The following FZD4 variants were observed in gnomAD, a reference collection of about 807,000 sequenced individuals.
The protein encoded by FZD4 is frizzled class receptor 4, also known as frizzled-4.
Under a neutral mutation model 37.3 loss-of-function variants are expected in FZD4, and 16 were observed. That is an observed-to-expected ratio of 0.43 (90% CI 0.29 to 0.65). The LOEUF (loss-of-function observed/expected upper bound fraction) is 0.65. FZD4 is among the 30% of genes least tolerant of loss of function. The pLI is 0.16. For missense variants in FZD4, 599 were observed against 674.3 expected, an observed-to-expected ratio of 0.89 and a Z score of 1.24; for synonymous variants, 246 against 254.8, an observed-to-expected ratio of 0.97 and a Z score of 0.33.
chr11:86,952,256 A>G lies in FZD4; in HGVS notation c.500T>C (p.Val167Ala), dbSNP rs1161550474. The change falls in exon 2 of 2, where the codon GTG becomes GCG. Residue 167 changes from valine (V) to alanine (A), a missense_variant. Val to Ala is a moderately conservative substitution (Grantham distance 64). This residue lies in a region of FZD4 where 357 missense variants were observed against 396.1 expected (regional missense o/e 0.90). Coordinates refer to ENST00000531380, the MANE Select transcript of FZD4 (RefSeq NM_012193.4). Reference sequence around the variant, plus strand: ...GATGGGGGTTTTGTGAGGTAAGGGCACCTCTTCATCACCTGGCCCTTCCAT... The same window carrying G: ...GATGGGGGTTTTGTGAGGTAAGGGCGCCTCTTCATCACCTGGCCCTTCCAT... The part of the protein sequence containing the change: ...MCMEGPGDEE[V>A]PLPHKTPIQP... The G allele has an allele frequency of 6.2e-7, 1 of 1,614,090 alleles. No homozygotes were observed. The highest frequency in any genetic ancestry group is 2.2e-5 in the East Asian group (1 of 44,872).
Position 86,952,180 on chromosome 11 carries a change from G to A in FZD4, c.576C>T (p.Ile192=), listed in dbSNP as rs201168680. Residue 192 remains isoleucine (I), a synonymous_variant, in exon 2 of 2, where the codon ATC becomes ATT. Transcript: ENST00000531380. ...CACAGTTCAGGCTCCTTTTCACCCA[G>A]ATGTACTGATCAGAATTGGTTCCCA... ...HSVGTNSDQY[I]WVKRSLNCVL... The A allele has an allele frequency of 3.8e-4, 618 of 1,613,036 alleles. 4 individuals carry two copies. In the South Asian group the frequency reaches 6.4e-3, roughly 17 times the overall value.
rs1282790182 is a variant in FZD4, at chr11:86,951,050, G to A, written c.*92C>T. The A allele has an allele frequency of 1.5e-6, 2 of 1,355,610 alleles. No homozygotes were observed. The allele number at this position is 1,355,610 out of a possible 1,614,324, so 84.0% of individuals were successfully genotyped here. On this transcript the variant is annotated 3_prime_UTR_variant, in exon 2 of 2. Transcript: ENST00000531380. ...TAATTGTTGCTAGTTTGTTCAAACT[G>A]AGATTCACTGCATAAAACTTTTAGT... is the stretch of plus-strand genomic sequence containing the variant.
At chr11:86,953,778 G>A (rs991541220) in intron 1 of FZD4, among the ~76,000 whole-genome samples, 4 of 152,064 alleles carry the variant, frequency 2.6e-5, no homozygotes, top group Non-Finnish European at 5.9e-5. Context: ...CACCACGCCC[G>A]GCTAATTTTT....
rs1045689207 is a variant in FZD4, at chr11:86,945,974, G to T, written c.*5168C>A. The T allele has an allele frequency of 1.3e-5, 2 of 152,714 alleles. No homozygotes were observed. The allele number at this position is 152,714 out of a possible 1,614,324, so 9.5% of individuals were successfully genotyped here. The stretch of plus-strand genomic sequence containing the variant: ...AGAAAGGCCACAGAGCATCCAGCCC[G>T]ACTGCTGCACAGAGCAGGGGAAGTC... On this transcript the variant is annotated 3_prime_UTR_variant, in exon 2 of 2. Coordinates refer to ENST00000531380, the MANE Select transcript of FZD4 (RefSeq NM_012193.4).
chr11:86,951,397 G>A lies in FZD4; in HGVS notation c.1359C>T (p.Ala453=). The A allele has an allele frequency of 2.5e-6, 4 of 1,613,826 alleles. No homozygotes were observed. The highest frequency in any genetic ancestry group is 1.3e-5 in the African/African-American group (1 of 75,012). Residue 453 remains alanine, a synonymous_variant, in exon 2 of 2, where the codon GCC becomes GCT. Coordinates refer to ENST00000531380, the MANE Select transcript of FZD4 (RefSeq NM_012193.4). ...LYTVPATCVI[A]CYFYEISNWA... ...AGTTGGAGATTTCATAAAAATAACAGGCAATCACACACGTTGCAGGAACTG... is the reference window on the plus strand; with the variant it reads ...AGTTGGAGATTTCATAAAAATAACAAGCAATCACACACGTTGCAGGAACTG...
In FZD4 at chr11:86,947,012, T is replaced by G. The variant is rs1949248974; in HGVS notation, c.*4130A>C. The G allele has an allele frequency of 6.6e-6, 1 of 152,390 alleles. No individual in the cohort carries two copies. Among genetic ancestry groups the G allele is most frequent in the Non-Finnish European group, 1.5e-5 (1 of 68,240 alleles). The allele number at this position is 152,390 out of a possible 1,614,324, so 9.4% of individuals were successfully genotyped here. A position where few individuals can be genotyped will look rare whatever the true frequency, so the allele number is the denominator to read the frequency against. On this transcript the variant is annotated 3_prime_UTR_variant, in exon 2 of 2. Transcript: ENST00000531380. ...TGAGGTCAGGAGTTCGAGACCAGCC[T>G]GGCCAACACAGTGAAACCCCGTCTC...
At chr11:86,954,754 GT>G (rs1316285122) in intron 1 of FZD4, 46 bp downstream of exon 1, 1 of 1,552,284 alleles carries the variant, frequency 6.4e-7, no homozygotes, top group Non-Finnish European at 8.7e-7. Context: ...AGTTTGGAGC[GT>G]CCCTCCCCAA....
chr11:86,952,549 T>G, intron 1 of FZD4, 79 bp from the exon 2 acceptor site: 1 of 1,514,318 alleles, frequency 6.6e-7, no homozygotes, highest in Non-Finnish European at 9.1e-7. Context: ...CAAAGCTGAG[T>G]TGAATGCTTC....
At position 86,949,773 on chromosome 11, in the gene FZD4, A is replaced by G. The variant is rs2135037532; in HGVS notation, c.*1369T>C. On this transcript the variant is annotated 3_prime_UTR_variant, in exon 2 of 2. Coordinates refer to ENST00000531380, the MANE Select transcript of FZD4 (RefSeq NM_012193.4). ...TCTACACTTTATTCCCTACTAACCA[A>G]TCAGGCTTCTGGCTGGCATTCTGGA... The G allele has an allele frequency of 6.5e-6, 1 of 152,762 alleles. No homozygotes were observed. Among genetic ancestry groups the G allele is most frequent in the Non-Finnish European group, 1.5e-5 (1 of 68,046 alleles). 9.5% of individuals were successfully genotyped at this position (152,762 alleles called of 1,614,324 possible). A position where few individuals can be genotyped will look rare whatever the true frequency, so the allele number is the denominator to read the frequency against.
At position 86,947,991 on chromosome 11, in the gene FZD4, A is replaced by G. The variant is rs1370309256; in HGVS notation, c.*3151T>C. ...TATACAAGTCACATGGAATACCCCA[A>G]GCCCTGAATTGCCGGCAAAGCCAAA... On this transcript the variant is annotated 3_prime_UTR_variant, in exon 2 of 2. Coordinates refer to ENST00000531380, the MANE Select transcript of FZD4 (RefSeq NM_012193.4). 6.6e-6 allele frequency: 1 copy of G among 152,262 alleles called. No homozygotes were observed. Among genetic ancestry groups the G allele is most frequent in the Non-Finnish European group, 1.5e-5 (1 of 68,068 alleles). 9.4% of individuals were successfully genotyped at this position (152,262 alleles called of 1,614,324 possible). A position where few individuals can be genotyped will look rare whatever the true frequency, so the allele number is the denominator to read the frequency against.
intron 1 of FZD4, 199 bp from the exon 2 acceptor site, chr11:86,952,669 T>C: frequency 1.8e-6 from 1 of 564,236 alleles, no homozygotes; most frequent in Non-Finnish European, 3.1e-6. Context: ...TTTTCTTAGT[T>C]TGGCTTTAGT....
In FZD4 at chr11:86,951,410, G is replaced by T. The variant is rs757405807; in HGVS notation, c.1346C>A (p.Thr449Lys). ...ATAAAAATAACAGGCAATCACACAC[G>T]TTGCAGGAACTGTGTACAGTACTGA... is the stretch of plus-strand genomic sequence containing the variant. ...VFSVLYTVPA[T>K]CVIACYFYEI... The change falls in exon 2 of 2, where the codon ACG (threonine) becomes AAG (lysine). Residue 449 changes from threonine to lysine, a missense_variant. Physicochemically the swap from Thr to Lys is moderately conservative, Grantham distance 78. Coordinates refer to ENST00000531380, the MANE Select transcript of FZD4 (RefSeq NM_012193.4). 1.2e-6 allele frequency: 2 copies of T among 1,612,344 alleles called. No individual in the cohort carries two copies. The highest frequency in any genetic ancestry group is 1.7e-6 in the Non-Finnish European group (2 of 1,178,314).
Position 86,949,321 on chromosome 11 carries a change from A to G in FZD4, c.*1821T>C, listed in dbSNP as rs1446516396. On this transcript the variant is annotated 3_prime_UTR_variant, in exon 2 of 2. Transcript: ENST00000531380. ...GCATAAGGCTCAAACCAAATTTTTA[A>G]AAAAGAGGAAATGCTTACTTCCAGA... is the stretch of plus-strand genomic sequence containing the variant. 6.6e-6 allele frequency: 1 copy of G among 152,188 alleles called. No individual in the cohort carries two copies. Among genetic ancestry groups the G allele is most frequent in the Non-Finnish European group, 1.5e-5 (1 of 68,034 alleles). 9.4% of individuals were successfully genotyped at this position (152,188 alleles called of 1,614,324 possible). A position where few individuals can be genotyped will look rare whatever the true frequency, so the allele number is the denominator to read the frequency against.
At position 86,949,513 on chromosome 11, in the gene FZD4, T is replaced by G. The variant is rs1387324271; in HGVS notation, c.*1629A>C. On this transcript the variant is annotated 3_prime_UTR_variant, in exon 2 of 2. Coordinates refer to ENST00000531380, the MANE Select transcript of FZD4 (RefSeq NM_012193.4). Reference sequence around the variant, plus strand: ...GTTGCTGAAGCAGACAGGTATGAGTTACAAGGAGAGCAACCTGTGACATAG... The same window carrying G: ...GTTGCTGAAGCAGACAGGTATGAGTGACAAGGAGAGCAACCTGTGACATAG... 1 of 152,306 alleles carries G rather than the reference T, an allele frequency of 6.6e-6. No individual in the cohort carries two copies. Among genetic ancestry groups the G allele is most frequent in the Non-Finnish European group, 1.5e-5 (1 of 68,036 alleles). 9.4% of individuals were successfully genotyped at this position (152,306 alleles called of 1,614,324 possible).
At position 86,951,086 on chromosome 11, in the gene FZD4, C is replaced by G; in HGVS notation, c.*56G>C. ...CATAAAACTTTTAGTAGAATTTCCT[C>G]CAAAATGCTGGCATTCCCCCCTTCA... On this transcript the variant is annotated 3_prime_UTR_variant, in exon 2 of 2. Transcript: ENST00000531380. 1 of 1,585,354 alleles carries G rather than the reference C, an allele frequency of 6.3e-7. No individual in the cohort carries two copies. The highest frequency in any genetic ancestry group is 8.7e-7 in the Non-Finnish European group (1 of 1,154,084).
Position 86,945,783 on chromosome 11 carries a change from A to T in FZD4, c.*5359T>A, listed in dbSNP as rs1203063687. On this transcript the variant is annotated 3_prime_UTR_variant, in exon 2 of 2. Coordinates refer to ENST00000531380, the MANE Select transcript of FZD4 (RefSeq NM_012193.4). ...TTACAGTACAGACATCGATGCAGAC[A>T]TACTTTTGTACATCCTTAAAAGCAG... 6.6e-6 allele frequency: 1 copy of T among 152,664 alleles called. No individual in the cohort carries two copies. Among genetic ancestry groups the T allele is most frequent in the East Asian group, 1.9e-4 (1 of 5,206 alleles). The allele number at this position is 152,664 out of a possible 1,614,324, so 9.5% of individuals were successfully genotyped here. A position where few individuals can be genotyped will look rare whatever the true frequency, so the allele number is the denominator to read the frequency against.
In FZD4 at chr11:86,951,733, T is replaced by C; in HGVS notation, c.1023A>G (p.Glu341=). The stretch of plus-strand genomic sequence containing the variant: ...CAATGTGGAAATAAGAGCTGTGCAT[T>C]TCAATGGCTTCATGACCCCATTTGA... ...AGLKWGHEAI[E]MHSSYFHIAA... Residue 341 remains glutamate, a synonymous_variant, in exon 2 of 2, where the codon GAA becomes GAG. Coordinates refer to ENST00000531380, the MANE Select transcript of FZD4 (RefSeq NM_012193.4). The C allele has an allele frequency of 1.2e-6, 2 of 1,614,140 alleles. No individual in the cohort carries two copies. Among genetic ancestry groups the C allele is most frequent in the Non-Finnish European group, 1.7e-6 (2 of 1,180,028 alleles).
Position 86,955,036 on chromosome 11 carries a change from A to ACGCCCCCGGG in FZD4, c.40_49dup (p.Val17AlafsTer116). 1 of 1,608,262 alleles carries ACGCCCCCGGG rather than the reference A, an allele frequency of 6.2e-7. No homozygotes were observed. Among genetic ancestry groups the ACGCCCCCGGG allele is most frequent in the Non-Finnish European group, 8.5e-7 (1 of 1,177,782 alleles). ...CAGGAGCAACCCCAGACTGAGACCG[A>ACGCCCCCGGG]CGCCCCCGGGCGCCCCCGGGACGCT... On this transcript the variant is annotated frameshift_variant, in exon 1 of 2. Transcript: ENST00000531380. LOFTEE classifies it high-confidence loss of function.
chr11:86,949,286 C>CA lies in FZD4; in HGVS notation c.*1855dup, dbSNP rs1451902645. The stretch of plus-strand genomic sequence containing the variant: ...AAAAGGAAAGAAGAAAGGGAAATGT[C>CA]AAACTATGGGCATAAGGCTCAAACC... On this transcript the variant is annotated 3_prime_UTR_variant, in exon 2 of 2. Transcript: ENST00000531380. The CA allele has an allele frequency of 6.6e-6, 1 of 151,662 alleles. No individual in the cohort carries two copies. Among genetic ancestry groups the CA allele is most frequent in the Non-Finnish European group, 1.5e-5 (1 of 67,968 alleles). The allele number at this position is 151,662 out of a possible 1,614,324, so 9.4% of individuals were successfully genotyped here.
Sources: gnomAD v4.1 joint callset for allele counts (sites outside exome capture counted in the v4.1 genomes callset) on GRCh38, gnomAD v4.1.1 for gene constraint, gnomAD v4.1.1 regional missense constraint, MANE v1.5 for transcripts, NCBI Gene and HGNC (gene_info 2026-07-23, HGNC 2026-07-21) for gene names.